The following STAG1 variants were observed in gnomAD, a reference collection of about 807,000 sequenced individuals.
STAG1 encodes the protein cohesin subunit SA-1.
A neutral mutation model predicts 170.9 loss-of-function variants in STAG1; 26 were observed. The observed-to-expected ratio is 0.15, with a 90% CI of 0.11 to 0.21. The LOEUF is 0.21. STAG1 is among the 10% of genes least tolerant of loss of function. STAG1 has a pLI of 1.00. For missense variants in STAG1, 964 were observed against 1,509.5 expected (o/e 0.64, Z 5.99); for synonymous variants, 514 against 497.7 (o/e 1.03, Z -0.44).
At chr3:136,513,645 T>TA (rs953356650) in intron 7 of STAG1, among the ~76,000 whole-genome samples, 3 of 151,442 alleles carry the variant, frequency 2.0e-5, no homozygotes, top group African/African-American at 7.3e-5. Context: ...AACAAAATCT[T>TA]AAAAAAAAAT....
At chr3:136,498,380 C>T (rs1933278248) in intron 9 of STAG1, among the ~76,000 whole-genome samples, 1 of 148,474 alleles carries the variant, frequency 6.7e-6, no homozygotes, top group South Asian at 2.1e-4. Context: ...AGAAAGAAGC[C>T]AGATCCGCCC....
At chr3:136,619,318 C>A (rs1200480667) in intron 3 of STAG1, among the ~76,000 whole-genome samples, 1 of 148,684 alleles carries the variant, frequency 6.7e-6, no homozygotes. Context: ...GCAGAAGACA[C>A]ACTAGATAAA....
In STAG1 at chr3:136,422,936, G is replaced by A; in HGVS notation, c.1743+16C>T. ...GCAAACTCAGTGACATAACAAAACT[G>A]TAAATGAAACTGTACCTTTGACAGT... On this transcript the variant is annotated intron_variant, in intron 17 of 33. Coordinates refer to ENST00000383202, the MANE Select transcript of STAG1 (RefSeq NM_005862.3). 6.3e-7 allele frequency: 1 copy of A among 1,589,232 alleles called. No homozygotes were observed. Among genetic ancestry groups the A allele is most frequent in the East Asian group, 2.2e-5 (1 of 44,464 alleles).
intron 1 of STAG1, among the ~76,000 whole-genome samples, chr3:136,670,474 T>TC (rs1941943437): frequency 6.6e-6 from 1 of 152,134 alleles, no homozygotes; most frequent in Non-Finnish European, 1.5e-5. Flanking sequence ...TTTATACCTT[T>TC]TTTGGGGGGT....
intron 16 of STAG1, among the ~76,000 whole-genome samples, chr3:136,426,619 C>T (rs548711947): frequency 1.1e-4 from 16 of 152,180 alleles, no homozygotes; most frequent in African/African-American, 3.9e-4. Context: ...TGGCACCATT[C>T]GCACATGACA....
chr3:136,564,320 AC>A (rs989265364), intron 5 of STAG1, among the ~76,000 whole-genome samples: 3 of 152,230 alleles, frequency 2.0e-5, no homozygotes, highest in Non-Finnish European at 4.4e-5. Context: ...GGATACCTTT[AC>A]AAAAGAGTTT....
intron 7 of STAG1, among the ~76,000 whole-genome samples, chr3:136,510,447 C>T (rs751205973): frequency 9.3e-5 from 14 of 151,322 alleles, no homozygotes; most frequent in Non-Finnish European, 1.8e-4. Flanking sequence ...CCACCACCAG[C>T]CCAGCTAATT....
At chr3:136,356,358 T>C (rs1455929741) in intron 28 of STAG1, among the ~76,000 whole-genome samples, 1 of 152,146 alleles carries the variant, frequency 6.6e-6, no homozygotes, top group Non-Finnish European at 1.5e-5. Context: ...CAAAATTCTA[T>C]TTATTTAGAA....
At chr3:136,644,482 G>A (rs1940923785) in intron 1 of STAG1, among the ~76,000 whole-genome samples, 1 of 152,052 alleles carries the variant, frequency 6.6e-6, no homozygotes, top group Admixed American at 6.6e-5. Flanking sequence ...GTTTCCCACT[G>A]ACAAGCTCAC....
rs376185170 is a variant in STAG1 at position 136,560,228 on chromosome 3, A to T, written c.394+8537T>A. Among the ~76,000 whole-genome samples, 138 of 152,322 alleles carry T rather than the reference A, an allele frequency of 9.1e-4. 6 individuals are homozygous for T. In the South Asian group the frequency reaches 0.028, roughly 31 times the overall value. On this transcript the variant is annotated intron_variant, in intron 5 of 33. Coordinates refer to ENST00000383202, the MANE Select transcript of STAG1 (RefSeq NM_005862.3). ...GAAACATTCCTTGTTATATTCAACT[A>T]AGAAAGAAGGTTGCTTTTAACCACC...
chr3:136,559,323 TAGA>T (rs1936748004), intron 5 of STAG1, among the ~76,000 whole-genome samples: 1 of 152,148 alleles, frequency 6.6e-6, no homozygotes, highest in South Asian at 2.1e-4. Context: ...GTAATTTATT[TAGA>T]AGGACAACCC....
At chr3:136,655,850 T>G (rs1296669216) in intron 1 of STAG1, among the ~76,000 whole-genome samples, 1 of 151,674 alleles carries the variant, frequency 6.6e-6, no homozygotes, top group Non-Finnish European at 1.5e-5. Context: ...ATAGCCACAG[T>G]GTAAAAAAAT....
chr3:136,749,687 A>G (rs898246612), intron 1 of STAG1, among the ~76,000 whole-genome samples: 7 of 146,600 alleles, frequency 4.8e-5, no homozygotes, highest in Admixed American at 4.8e-4. Context: ...CGGAGGTTGC[A>G]GTGAGCCGAG....
intron 23 of STAG1, among the ~76,000 whole-genome samples, chr3:136,370,124 G>C (rs562329658): frequency 2.0e-5 from 3 of 151,930 alleles, no homozygotes; most frequent in African/African-American, 7.2e-5. Flanking sequence ...TTTTAATCAT[G>C]ATTTTAGAGT....
intron 21 of STAG1, among the ~76,000 whole-genome samples, chr3:136,416,324 T>C (rs1039414253): frequency 3.9e-5 from 6 of 152,182 alleles, no homozygotes; most frequent in Non-Finnish European, 7.3e-5. Context: ...CACAAAACTT[T>C]TAATGTCACA....
At chr3:136,478,056 C>G (rs2089802242) in intron 9 of STAG1, among the ~76,000 whole-genome samples, 2 of 152,156 alleles carry the variant, frequency 1.3e-5, no homozygotes, top group South Asian at 2.1e-4. Flanking sequence ...TCCCAAAGTG[C>G]TGGGATTACA....
intron 16 of STAG1, among the ~76,000 whole-genome samples, chr3:136,430,491 C>T (rs2088265140): frequency 6.6e-6 from 1 of 151,786 alleles, no homozygotes; most frequent in African/African-American, 2.4e-5. Flanking sequence ...ATGTTATAAT[C>T]TCAACACTAT....
intron 4 of STAG1, among the ~76,000 whole-genome samples, chr3:136,579,898 C>T (rs1937553788): frequency 6.6e-6 from 1 of 150,548 alleles, no homozygotes; most frequent in African/African-American, 2.5e-5. Context: ...AACATTCCAC[C>T]AGGTTGGAAG....
intron 16 of STAG1, among the ~76,000 whole-genome samples, chr3:136,428,845 T>C (rs960595603): frequency 2.0e-5 from 3 of 152,004 alleles, no homozygotes; most frequent in African/African-American, 7.3e-5. Context: ...AGAGAGCAAA[T>C]AGACACCAGC....
Sources: gnomAD v4.1 joint callset for allele counts (sites outside exome capture counted in the v4.1 genomes callset) on GRCh38, gnomAD v4.1.1 for gene constraint, MANE v1.5 for transcripts, NCBI Gene and HGNC (gene_info 2026-07-23, HGNC 2026-07-21) for gene names.